The following SCRG1 variants were observed in gnomAD, a reference collection of about 807,000 sequenced individuals.
SCRG1 encodes the protein stimulator of chondrogenesis 1, also known as scrapie-responsive protein 1.
A neutral mutation model predicts 7.7 loss-of-function variants in SCRG1; 3 were observed. The observed-to-expected ratio is 0.39, with a 90% CI of 0.18 to 1.01. The LOEUF is 1.01. Among genes scored for constraint, SCRG1 ranks in the 50% least tolerant of loss-of-function variants. The pLI, the probability that SCRG1 is intolerant of heterozygous loss-of-function variation, is 0.36. For missense variants in SCRG1, 110 were observed against 117.2 expected (o/e 0.94, Z 0.28); for synonymous variants, 46 against 41.2 (o/e 1.12, Z -0.44).
chr4:173,411,547 A>G, the SCRG1 span, among the ~76,000 whole-genome samples: 1 of 152,240 alleles, frequency 6.6e-6, no homozygotes, highest in Non-Finnish European at 1.5e-5. Context: ...AAATTGCAAC[A>G]TATTTAGCAA....
chr4:173,400,031 T>C (rs1444637925), upstream of SCRG1, among the ~76,000 whole-genome samples: 1 of 152,152 alleles, frequency 6.6e-6, no homozygotes, highest in Non-Finnish European at 1.5e-5. Context: ...ATTGATGAAT[T>C]ACCTCATATG....
chr4:173,398,614 G>GA (rs1739669005), intron 1 of SCRG1, among the ~76,000 whole-genome samples: 2 of 152,176 alleles, frequency 1.3e-5, no homozygotes, highest in African/African-American at 4.8e-5. Flanking sequence ...CAGAAATCAG[G>GA]ATTTTTAAAA....
chr4:173,396,398 G>C (rs1171798094), intron 1 of SCRG1, among the ~76,000 whole-genome samples: 1 of 152,174 alleles, frequency 6.6e-6, no homozygotes, highest in African/African-American at 2.4e-5. Flanking sequence ...GAGGCAAAGG[G>C]CTGAGGCCCA....
At chr4:173,448,479 T>C in the SCRG1 span, among the ~76,000 whole-genome samples, 6 of 152,228 alleles carry the variant, frequency 3.9e-5, no homozygotes, top group African/African-American at 9.6e-5. Context: ...TCTGTTTTGC[T>C]CTAGTACTTA....
At chr4:173,420,045 A>G in the SCRG1 span, 1 of 632,562 alleles carries the variant, frequency 1.6e-6, no homozygotes, top group South Asian at 1.5e-5. Context: ...ATTTCTGAGC[A>G]TAGTAATCAG....
At chr4:173,411,713 T>C in the SCRG1 span, among the ~76,000 whole-genome samples, 1 of 152,238 alleles carries the variant, frequency 6.6e-6, no homozygotes, top group Non-Finnish European at 1.5e-5. Context: ...ATCAAATCAT[T>C]CTAATAATTT....
the SCRG1 span, among the ~76,000 whole-genome samples, chr4:173,480,021 G>A: frequency 6.6e-6 from 1 of 151,938 alleles, no homozygotes; most frequent in Non-Finnish European, 1.5e-5. Context: ...CCAGGTTGGA[G>A]GGCAGTGGCA....
At chr4:173,502,104 G>A in the SCRG1 span, among the ~76,000 whole-genome samples, 2 of 151,826 alleles carry the variant, frequency 1.3e-5, no homozygotes, top group Non-Finnish European at 2.9e-5. This position sits in a 1 kb window ranked among gnomAD's most constrained non-coding sequence, Gnocchi z 4.6. Context: ...GGCATCCGGA[G>A]AAGAATATAG....
the SCRG1 span, among the ~76,000 whole-genome samples, chr4:173,512,789 G>A: frequency 2.6e-5 from 4 of 152,174 alleles, no homozygotes; most frequent in African/African-American, 9.7e-5. Context: ...GTCTCTATTA[G>A]ACTTGGGGAG....
the SCRG1 span, among the ~76,000 whole-genome samples, chr4:173,499,901 T>A: frequency 2.0e-5 from 3 of 152,236 alleles, no homozygotes; most frequent in East Asian, 5.8e-4. The surrounding 1 kb of genome is among the most constrained non-coding windows in gnomAD (Gnocchi z 4.1). Context: ...GTGCTCCATA[T>A]TGAGCAACAC....
the SCRG1 span, among the ~76,000 whole-genome samples, chr4:173,478,015 C>T: frequency 6.6e-6 from 1 of 152,068 alleles, no homozygotes; most frequent in African/African-American, 2.4e-5. Context: ...AGCAATCCTC[C>T]CACCTTGGCC....
chr4:173,443,054 G>A, the SCRG1 span, among the ~76,000 whole-genome samples: 1 of 152,198 alleles, frequency 6.6e-6, no homozygotes, highest in Admixed American at 6.5e-5. Flanking sequence ...AAAAGTGGTA[G>A]TTTTGAGGAT....
intron 2 of SCRG1, chr4:173,389,673 A>G (rs1739367521): frequency 5.5e-6 from 1 of 181,980 alleles, no homozygotes; most frequent in South Asian, 1.0e-4. Flanking sequence ...GGTGATGCTG[A>G]AGCTGCTGTT....
At chr4:173,488,747 A>C in the SCRG1 span, among the ~76,000 whole-genome samples, 2 of 152,158 alleles carry the variant, frequency 1.3e-5, no homozygotes, top group East Asian at 3.8e-4. Context: ...AAACCCTCTC[A>C]GTGGTGTATT....
the SCRG1 span, among the ~76,000 whole-genome samples, chr4:173,491,215 C>CTT: frequency 0.36 from 47,476 of 131,592 alleles, 10,018 homozygotes; most frequent in Non-Finnish European, 0.49. Context: ...CTCTCTCTCT[C>CTT]TCTTTTTTTT....
the SCRG1 span, among the ~76,000 whole-genome samples, chr4:173,417,656 G>A: frequency 6.7e-6 from 1 of 148,864 alleles, no homozygotes; most frequent in African/African-American, 2.5e-5. Context: ...TCAGAGAGGA[G>A]GTCTTGCTCT....
At chr4:173,471,589 A>C in the SCRG1 span, among the ~76,000 whole-genome samples, 1 of 152,226 alleles carries the variant, frequency 6.6e-6, no homozygotes, top group Non-Finnish European at 1.5e-5. Context: ...AGTGAAAAAA[A>C]AAATGTTCAG....
At chr4:173,449,866 T>C in the SCRG1 span, among the ~76,000 whole-genome samples, 1 of 152,142 alleles carries the variant, frequency 6.6e-6, no homozygotes, top group African/African-American at 2.4e-5. Flanking sequence ...GACCCAGGAA[T>C]AGGAATAGGA....
chr4:173,467,830 A>T, the SCRG1 span: 1 of 152,194 alleles, frequency 6.6e-6, no homozygotes, highest in Non-Finnish European at 1.5e-5. Context: ...GAAATAATCT[A>T]AAAAAACAAA....
Sources: gnomAD v4.1 joint callset for allele counts (sites outside exome capture counted in the v4.1 genomes callset) on GRCh38, gnomAD v4.1.1 for gene constraint, Gnocchi (gnomAD v3.1) non-coding constraint, MANE v1.5 for transcripts, NCBI Gene and HGNC (gene_info 2026-07-23, HGNC 2026-07-21) for gene names.